CSMD1: variants seen among roughly 807,000 people sequenced by gnomAD.
CSMD1 encodes CUB and sushi domain-containing protein 1.
CSMD1 carries 213 observed loss-of-function variants against 417.5 expected under a neutral mutation model. The ratio of observed to expected loss-of-function variants is 0.51; its 90% CI spans 0.46 to 0.57. CSMD1 has a LOEUF of 0.57. Among genes scored for constraint, CSMD1 ranks in the 20% least tolerant of loss-of-function variants. The pLI is 0.00. For missense variants in CSMD1, 6,923 were observed against 4,529.7 expected (o/e 1.53, Z -15.17); for synonymous variants, 2,862 against 1,736.8 (o/e 1.65, Z -16.11).
chr8:3,549,375 T>A (rs984999198), intron 10 of CSMD1, among the ~76,000 whole-genome samples: 1 of 152,206 alleles, frequency 6.6e-6, no homozygotes, highest in Admixed American at 6.5e-5. Context: ...TAGACAGATC[T>A]AGGCCTTATT....
intron 3 of CSMD1, among the ~76,000 whole-genome samples, chr8:4,040,565 T>G (rs768576044): frequency 2.0e-5 from 3 of 152,190 alleles, no homozygotes; most frequent in Admixed American, 6.5e-5. Flanking sequence ...TCTACGGTGT[T>G]CACAATGGAG....
chr8:4,446,278 T>C (rs891228783), intron 2 of CSMD1, among the ~76,000 whole-genome samples: 49 of 152,326 alleles, frequency 3.2e-4, no homozygotes, highest in African/African-American at 1.1e-3. Context: ...CTGGGAGTGG[T>C]GGCTCATGCC....
intron 3 of CSMD1, among the ~76,000 whole-genome samples, chr8:4,304,377 A>G (rs935743044): frequency 7.2e-5 from 11 of 152,124 alleles, no homozygotes; most frequent in African/African-American, 2.4e-4. Flanking sequence ...AAGTGAGCTC[A>G]TGTTGTAAAT....
chr8:4,182,228 A>G (rs987362652), intron 3 of CSMD1, among the ~76,000 whole-genome samples: 5 of 152,142 alleles, frequency 3.3e-5, no homozygotes, highest in Admixed American at 1.3e-4. Flanking sequence ...TAAACTTATG[A>G]TACATAAGAA....
chr8:3,786,087 C>T (rs1350113231), intron 5 of CSMD1, among the ~76,000 whole-genome samples: 3 of 152,042 alleles, frequency 2.0e-5, no homozygotes, highest in Non-Finnish European at 4.4e-5. Context: ...CATTGAAAGA[C>T]TGGGTGTGAG....
chr8:4,616,077 T>G (rs1464931796), intron 2 of CSMD1, among the ~76,000 whole-genome samples: 1 of 152,200 alleles, frequency 6.6e-6, no homozygotes, highest in Non-Finnish European at 1.5e-5. Flanking sequence ...TCTTATTTCA[T>G]AGTGCAACTT....
chr8:3,659,687 G>A (rs1005442016), intron 7 of CSMD1, among the ~76,000 whole-genome samples: 3 of 151,722 alleles, frequency 2.0e-5, no homozygotes, highest in African/African-American at 7.3e-5. Context: ...TTAACAATAT[G>A]GGCTTTCCAA....
intron 8 of CSMD1, among the ~76,000 whole-genome samples, chr8:3,588,425 C>G (rs758745800): frequency 2.0e-5 from 3 of 152,072 alleles, no homozygotes; most frequent in Admixed American, 1.3e-4. Context: ...CTTCAATGAT[C>G]CCCTTAACCT....
intron 1 of CSMD1, among the ~76,000 whole-genome samples, chr8:4,932,858 C>A (rs1807335372): frequency 6.6e-6 from 1 of 152,156 alleles, no homozygotes; most frequent in African/African-American, 2.4e-5. Flanking sequence ...CTGTCGACGC[C>A]TCAAACATAG....
At chr8:4,180,469 C>G (rs994334897) in intron 3 of CSMD1, among the ~76,000 whole-genome samples, 19 of 150,370 alleles carry the variant, frequency 1.3e-4, no homozygotes, top group Admixed American at 4.0e-4. Flanking sequence ...GGAGATATGC[C>G]TAATGCTAAA....
intron 5 of CSMD1, among the ~76,000 whole-genome samples, chr8:3,771,383 A>T (rs1305382810): frequency 6.6e-6 from 1 of 152,214 alleles, no homozygotes; most frequent in East Asian, 1.9e-4. Context: ...CTCTGCAAAA[A>T]GAGTTTACAA....
intron 44 of CSMD1, among the ~76,000 whole-genome samples, 187 bp from the exon 45 acceptor site, chr8:3,107,985 A>C (rs1436191951): frequency 1.3e-5 from 2 of 152,234 alleles, no homozygotes; most frequent in Non-Finnish European, 2.9e-5. Flanking sequence ...TTTAGTGCCA[A>C]AAAACAGTTA....
At chr8:3,247,656 GC>G (rs1799973639) in intron 26 of CSMD1, among the ~76,000 whole-genome samples, 1 of 152,050 alleles carries the variant, frequency 6.6e-6, no homozygotes, top group Non-Finnish European at 1.5e-5. Context: ...CAAGGCCCCC[GC>G]CCCCAGTTCT....
intron 6 of CSMD1, among the ~76,000 whole-genome samples, chr8:3,711,989 C>T (rs926755608): frequency 6.6e-6 from 1 of 152,312 alleles, no homozygotes; most frequent in African/African-American, 2.4e-5. Flanking sequence ...CAGGACCTAT[C>T]TGAAAGCTGG....
intron 3 of CSMD1, among the ~76,000 whole-genome samples, chr8:4,045,325 G>A (rs1203857965): frequency 6.6e-6 from 1 of 152,182 alleles, no homozygotes; most frequent in African/African-American, 2.4e-5. Context: ...CAGGTAAAAG[G>A]ACCATCAATT....
chr8:4,962,333 C>T (rs1289015498), intron 1 of CSMD1, among the ~76,000 whole-genome samples: 1 of 152,018 alleles, frequency 6.6e-6, no homozygotes. Context: ...ATCTTTGCCT[C>T]CCAATTAGCT....
intron 10 of CSMD1, among the ~76,000 whole-genome samples, chr8:3,519,500 C>A (rs1178830887): frequency 1.3e-5 from 2 of 152,136 alleles, no homozygotes; most frequent in African/African-American, 4.8e-5. Flanking sequence ...AAACTCCAGC[C>A]AGCTTGTCTA....
At chr8:3,921,583 T>C (rs1809268439) in intron 5 of CSMD1, among the ~76,000 whole-genome samples, 1 of 152,128 alleles carries the variant, frequency 6.6e-6, no homozygotes, top group East Asian at 1.9e-4. Context: ...TTGGTGTGCT[T>C]GGTTTCCATT....
intron 5 of CSMD1, among the ~76,000 whole-genome samples, chr8:3,819,386 C>T (rs1054370785): frequency 6.6e-6 from 1 of 152,046 alleles, no homozygotes; most frequent in Non-Finnish European, 1.5e-5. Context: ...TTGTTTTGCT[C>T]CAGAAAGTCA....
Sources: gnomAD v4.1 joint callset for allele counts (sites outside exome capture counted in the v4.1 genomes callset) on GRCh38, gnomAD v4.1.1 for gene constraint, MANE v1.5 for transcripts, NCBI Gene and HGNC (gene_info 2026-07-23, HGNC 2026-07-21) for gene names.